The following RANBP2 variants were observed in gnomAD, a reference collection of about 807,000 sequenced individuals.
RANBP2 encodes the protein RAN binding protein 2.
RANBP2 carries 57 observed loss-of-function variants against 303.6 expected under a neutral mutation model. The ratio of observed to expected loss-of-function variants is 0.19; its 90% CI spans 0.15 to 0.23. The LOEUF (loss-of-function observed/expected upper bound fraction) is 0.23, where lower values mean the gene tolerates loss of function less well. Ranked by LOEUF, RANBP2 falls within the 10% of genes least tolerant of loss-of-function variation. The probability of loss-of-function intolerance (pLI) is 1.00; values close to 1 mark genes in which losing one functional copy is unlikely to be tolerated. For synonymous variants in RANBP2, 1,167 were observed against 1,301.5 expected, an observed-to-expected ratio of 0.90 and a Z score of 2.23; for missense variants, 3,138 against 3,780.8, an observed-to-expected ratio of 0.83 and a Z score of 4.46.
chr2:109,337,272 G>A, the RANBP2 span, among the ~76,000 whole-genome samples: 1 of 152,178 alleles, frequency 6.6e-6, no homozygotes, highest in African/African-American at 2.4e-5. Flanking sequence ...CTTGGTCCTG[G>A]GACCCTCTCC....
chr2:109,289,023 T>C, the RANBP2 span, among the ~76,000 whole-genome samples: 2 of 152,226 alleles, frequency 1.3e-5, no homozygotes, highest in Non-Finnish European at 2.9e-5. Context: ...TGGCATTGTG[T>C]TGCTCACTAA....
the RANBP2 span, among the ~76,000 whole-genome samples, chr2:109,680,309 C>T: frequency 4.6e-5 from 7 of 150,904 alleles, no homozygotes; most frequent in East Asian, 1.9e-4. Flanking sequence ...GCCAAGATCA[C>T]GCCACTGCAA....
chr2:109,216,566 C>G, the RANBP2 span, among the ~76,000 whole-genome samples: 1 of 152,136 alleles, frequency 6.6e-6, no homozygotes, highest in Non-Finnish European at 1.5e-5. Context: ...ACACACAGCC[C>G]GAAGCCTGAG....
the RANBP2 span, among the ~76,000 whole-genome samples, chr2:109,175,764 A>G: frequency 5.9e-5 from 9 of 152,222 alleles, no homozygotes; most frequent in Admixed American, 2.6e-4. Context: ...ATTGTAATCT[A>G]TTGGCTTCAA....
the RANBP2 span, among the ~76,000 whole-genome samples, chr2:109,683,360 G>A: frequency 6.6e-6 from 1 of 152,200 alleles, no homozygotes; most frequent in Non-Finnish European, 1.5e-5. Flanking sequence ...CTGTCACTGT[G>A]ATTCTGCGGT....
the RANBP2 span, among the ~76,000 whole-genome samples, chr2:108,880,321 A>G: frequency 6.6e-6 from 1 of 152,322 alleles, no homozygotes; most frequent in South Asian, 2.1e-4. Flanking sequence ...AAGACTCAAT[A>G]TTGTTAAGAT....
the RANBP2 span, among the ~76,000 whole-genome samples, chr2:109,536,854 A>C: frequency 3.3e-5 from 5 of 152,162 alleles, no homozygotes; most frequent in Non-Finnish European, 5.9e-5. Context: ...TGATGGCTTT[A>C]AAAAGAGGAG....
At chr2:108,966,022 G>A in the RANBP2 span, among the ~76,000 whole-genome samples, 3 of 152,052 alleles carry the variant, frequency 2.0e-5, 1 homozygote, top group Non-Finnish European at 4.4e-5. Flanking sequence ...TTTACAACTG[G>A]GGCTGTTAAT....
chr2:109,120,808 C>A, the RANBP2 span, among the ~76,000 whole-genome samples: 6 of 152,014 alleles, frequency 3.9e-5, no homozygotes, highest in African/African-American at 1.4e-4. Flanking sequence ...GCAGCGGATA[C>A]CTACTTCCCT....
the RANBP2 span, among the ~76,000 whole-genome samples, chr2:109,764,628 T>C: frequency 6.7e-6 from 1 of 148,404 alleles, no homozygotes; most frequent in African/African-American, 2.5e-5. Flanking sequence ...AAAGAGACCA[T>C]ATTTGGGACT....
chr2:109,528,861 G>A, the RANBP2 span, among the ~76,000 whole-genome samples: 1 of 152,232 alleles, frequency 6.6e-6, no homozygotes, highest in Non-Finnish European at 1.5e-5. Flanking sequence ...CCTTGGAAGT[G>A]ACCATGGGTG....
chr2:109,017,457 T>TG, the RANBP2 span, among the ~76,000 whole-genome samples: 4 of 152,190 alleles, frequency 2.6e-5, no homozygotes. Context: ...AATCACAGGA[T>TG]GGCGTGGGGT....
rs182351290 is a variant in RANBP2, at chr2:108,756,197, C to T, written c.2466+938C>T. On this transcript the variant is annotated intron_variant, in intron 17 of 28. Transcript: ENST00000283195. Reference sequence around the variant, plus strand: ...CTAATCATACTCTGGTCTATGAGTTCATTCCCAGATTAGCTGTGGATTACA... The same window carrying T: ...CTAATCATACTCTGGTCTATGAGTTTATTCCCAGATTAGCTGTGGATTACA... Among the ~76,000 whole-genome samples, 288 of 152,282 alleles carry T rather than the reference C, an allele frequency of 1.9e-3. 2 individuals are homozygous for T. Among genetic ancestry groups the T allele is most frequent in the African/African-American group, 6.7e-3 (280 of 41,558 alleles).
the RANBP2 span, among the ~76,000 whole-genome samples, chr2:109,505,142 G>A: frequency 6.6e-6 from 1 of 152,182 alleles, no homozygotes; most frequent in Non-Finnish European, 1.5e-5. Flanking sequence ...ACAGGATGGG[G>A]GTGCAGGGAA....
chr2:109,666,327 T>G, the RANBP2 span, among the ~76,000 whole-genome samples: 1 of 152,090 alleles, frequency 6.6e-6, no homozygotes, highest in African/African-American at 2.4e-5. Flanking sequence ...AGAAGGAGAT[T>G]TCTCTGAATT....
the RANBP2 span, among the ~76,000 whole-genome samples, chr2:109,422,628 GC>G: frequency 6.6e-6 from 1 of 152,064 alleles, no homozygotes; most frequent in Non-Finnish European, 1.5e-5. Context: ...GGGCTTGTCC[GC>G]CATTCCTCTG....
At chr2:109,744,093 C>T in the RANBP2 span, among the ~76,000 whole-genome samples, 1 of 101,612 alleles carries the variant, frequency 9.8e-6, no homozygotes, top group African/African-American at 2.7e-5. Context: ...CATGTGAGTG[C>T]AAGTGTCTTT....
the RANBP2 span, among the ~76,000 whole-genome samples, chr2:109,691,297 T>A: frequency 6.6e-6 from 1 of 152,170 alleles, no homozygotes; most frequent in African/African-American, 2.4e-5. Context: ...GATACCACAT[T>A]AGCAATAGTG....
the RANBP2 span, among the ~76,000 whole-genome samples, chr2:109,510,309 C>T: frequency 6.6e-6 from 1 of 152,178 alleles, no homozygotes; most frequent in Non-Finnish European, 1.5e-5. Flanking sequence ...CGGGAGCTCC[C>T]TCTGTTGGTG....
Sources: gnomAD v4.1 joint callset for allele counts (sites outside exome capture counted in the v4.1 genomes callset) on GRCh38, gnomAD v4.1.1 for gene constraint, MANE v1.5 for transcripts, NCBI Gene and HGNC (gene_info 2026-07-23, HGNC 2026-07-21) for gene names.